The following MYO18A variants were observed in gnomAD, a reference collection of about 807,000 sequenced individuals.
MYO18A encodes myosin XVIIIA.
MYO18A carries 78 observed loss-of-function variants against 235.8 expected under a neutral mutation model. The observed-to-expected ratio is 0.33, with a 90% CI of 0.28 to 0.40. The LOEUF is 0.40. MYO18A is among the 10% of genes least tolerant of loss of function. The probability of loss-of-function intolerance (pLI) is 1.00; values close to 1 mark genes in which losing one functional copy is unlikely to be tolerated. For synonymous variants in MYO18A, 977 were observed against 1,077.8 expected (o/e 0.91, Z 1.83); for missense variants, 2,215 against 2,699.3 (o/e 0.82, Z 3.98).
chr17:29,114,727 G>A (rs1469638777), intron 14 of MYO18A, among the ~76,000 whole-genome samples, 180 bp downstream of exon 14: 1 of 152,212 alleles, frequency 6.6e-6, no homozygotes, highest in Admixed American at 6.5e-5. Flanking sequence ...TCTCCACCAA[G>A]TAAGAACGTA....
chr17:29,178,579 G>A (rs984219629), intron 1 of MYO18A, among the ~76,000 whole-genome samples: 1 of 152,120 alleles, frequency 6.6e-6, no homozygotes, highest in Non-Finnish European at 1.5e-5. Context: ...CAGAAACCAG[G>A]AGGATGTTTC....
chr17:29,095,461 T>C (rs1023149966), intron 28 of MYO18A, among the ~76,000 whole-genome samples: 2 of 152,240 alleles, frequency 1.3e-5, no homozygotes, highest in Admixed American at 6.5e-5. Context: ...TTCCACAGTT[T>C]GGTTCGACAA....
At chr17:29,133,700 G>T in intron 2 of MYO18A, 2 of 900,468 alleles carry the variant, frequency 2.2e-6, no homozygotes, top group Non-Finnish European at 3.1e-6. Flanking sequence ...TCCATCTCTA[G>T]CTTCCAAAGC....
chr17:29,093,290 C>T (rs372843503), intron 32 of MYO18A, 33 bp downstream of exon 32: 87 of 1,575,968 alleles, frequency 5.5e-5, no homozygotes, highest in African/African-American at 9.4e-5. Flanking sequence ...GGCAGGGAGC[C>T]GGCCAGGCTT....
chr17:29,082,543 C>T, intron 40 of MYO18A, 105 bp from the exon 41 acceptor site: 2 of 1,204,648 alleles, frequency 1.7e-6, no homozygotes, highest in Admixed American at 4.2e-5. Flanking sequence ...GGGATGTGGG[C>T]AGCATGCACG....
At chr17:29,077,734 G>A (rs2066016946) in intron 41 of MYO18A, 1 of 152,462 alleles carries the variant, frequency 6.6e-6, no homozygotes, top group Non-Finnish European at 1.5e-5. Flanking sequence ...GAAGAAACAG[G>A]CTTTTGGTCT....
chr17:29,118,792 T>A lies in MYO18A; in HGVS notation c.1830-352A>T, dbSNP rs1453148510. Among the ~76,000 whole-genome samples, 2 of 152,262 alleles carry A rather than the reference T, an allele frequency of 1.3e-5. No homozygotes were observed. The highest frequency in any genetic ancestry group is 2.9e-5 in the Non-Finnish European group (2 of 68,042). The stretch of plus-strand genomic sequence containing the variant: ...AGGACAATGGCCTGGGGATGCTGGC[T>A]CAGCCTCATCATTTATCTCTTTTTA... On this transcript the variant is annotated intron_variant, in intron 8 of 41. Coordinates refer to ENST00000527372, the MANE Select transcript of MYO18A (RefSeq NM_078471.4). The surrounding 1 kb of genome is among the most constrained non-coding windows in gnomAD (Gnocchi z 4.2).
chr17:29,173,218 G>C (rs940538507), intron 1 of MYO18A, among the ~76,000 whole-genome samples: 12 of 151,462 alleles, frequency 7.9e-5, no homozygotes, highest in African/African-American at 2.9e-4. Context: ...TCAGCCTCCT[G>C]AGTAGCTGGA....
chr17:29,156,769 G>A (rs965639749), intron 2 of MYO18A, among the ~76,000 whole-genome samples: 4 of 152,222 alleles, frequency 2.6e-5, no homozygotes, highest in Non-Finnish European at 5.9e-5. Context: ...GCCAGGTGGG[G>A]ACCTGACATG....
At chr17:29,134,989 G>A (rs1286169866) in intron 2 of MYO18A, among the ~76,000 whole-genome samples, 1 of 152,186 alleles carries the variant, frequency 6.6e-6, no homozygotes, top group African/African-American at 2.4e-5. Context: ...CTATGGATTA[G>A]AAACCAGAGC....
chr17:29,098,588 C>A, intron 23 of MYO18A, 143 bp from the exon 24 acceptor site: 1 of 1,099,924 alleles, frequency 9.1e-7, no homozygotes, highest in African/African-American at 1.6e-5. Context: ...AGCAGAGCCA[C>A]TGCCTCCTGG....
In MYO18A at chr17:29,103,617, G is replaced by A; in HGVS notation, c.3489C>T (p.Cys1163=). Residue 1163 remains cysteine, a synonymous_variant, in exon 21 of 42, where the codon TGC becomes TGT. Transcript: ENST00000527372. The part of the protein sequence containing the change: ...LECLDLEKSS[C]CMGLSRVFFR... ...AACTCACCCGGCTCAGGCCCATGCA[G>A]CAGCTGCTCTTCTCCAGATCCAAGC... The A allele has an allele frequency of 1.2e-6, 2 of 1,613,922 alleles. No homozygotes were observed. Among genetic ancestry groups the A allele is most frequent in the Non-Finnish European group, 1.7e-6 (2 of 1,179,894 alleles).
At chr17:29,145,032 T>C (rs2067818528) in intron 2 of MYO18A, among the ~76,000 whole-genome samples, 1 of 152,248 alleles carries the variant, frequency 6.6e-6, no homozygotes, top group Admixed American at 6.5e-5. Context: ...AGTAATATAG[T>C]TTCTTTCACA....
intron 1 of MYO18A, among the ~76,000 whole-genome samples, chr17:29,178,132 G>A (rs926922840): frequency 1.3e-5 from 2 of 152,186 alleles, no homozygotes; most frequent in Non-Finnish European, 1.5e-5. Context: ...CAGGGCCAGT[G>A]AGGGGGCCTC....
chr17:29,125,802 C>T lies in MYO18A; in HGVS notation c.1000-3549G>A, dbSNP rs559382402. ...GCCGCCATGGAGCCATCTTCATGGTCAGCGCGCCTACAGACACACACAGGG... is the reference window on the plus strand; with the variant it reads ...GCCGCCATGGAGCCATCTTCATGGTTAGCGCGCCTACAGACACACACAGGG... On this transcript the variant is annotated intron_variant, in intron 2 of 41. Coordinates refer to ENST00000527372, the MANE Select transcript of MYO18A (RefSeq NM_078471.4). This position sits in a 1 kb window ranked among gnomAD's most constrained non-coding sequence, Gnocchi z 5.1. 1.7e-6 allele frequency: 1 copy of T among 586,638 alleles called. No individual in the cohort carries two copies. 36.3% of individuals were successfully genotyped at this position (586,638 alleles called of 1,614,324 possible).
chr17:29,093,054 A>G (rs1396827518), intron 32 of MYO18A, 53 bp from the exon 33 acceptor site: 3 of 1,574,692 alleles, frequency 1.9e-6, no homozygotes, highest in African/African-American at 1.4e-5. Flanking sequence ...GCTTCCTCCT[A>G]TCTTCCCCAA....
In MYO18A at chr17:29,118,545, G is replaced by T; in HGVS notation, c.1830-105C>A. On this transcript the variant is annotated intron_variant, in intron 8 of 41. Transcript: ENST00000527372. The surrounding 1 kb of genome is among the most constrained non-coding windows in gnomAD (Gnocchi z 4.2). Reference sequence around the variant, plus strand: ...ACTCAGCTTCCAGACTCCAAGTTTTGTCTGCCCATCATCCCATCATCCCCA... The same window carrying T: ...ACTCAGCTTCCAGACTCCAAGTTTTTTCTGCCCATCATCCCATCATCCCCA... 1 of 1,038,194 alleles carries T rather than the reference G, an allele frequency of 9.6e-7. No individual in the cohort carries two copies. Among genetic ancestry groups the T allele is most frequent in the Non-Finnish European group, 1.4e-6 (1 of 697,758 alleles). 64.3% of individuals were successfully genotyped at this position (1,038,194 alleles called of 1,614,324 possible).
intron 2 of MYO18A, chr17:29,133,978 A>G: frequency 1.6e-6 from 1 of 613,236 alleles, no homozygotes; most frequent in Non-Finnish European, 2.5e-6. Flanking sequence ...GGAGTGGAGG[A>G]GGAAGGATTA....
chr17:29,097,694 G>T, intron 26 of MYO18A, 94 bp downstream of exon 26: 1 of 1,078,832 alleles, frequency 9.3e-7, no homozygotes. Context: ...CCATGGAGGG[G>T]AGACAGGCCT....
Sources: allele counts gnomAD v4.1 joint callset (sites outside exome capture counted in the v4.1 genomes callset), GRCh38; gene constraint gnomAD v4.1.1; non-coding constraint Gnocchi (gnomAD v3.1); transcripts MANE v1.5; gene names NCBI Gene and HGNC (gene_info 2026-07-23, HGNC 2026-07-21).